The following LIPI variants were observed in gnomAD, a reference collection of about 807,000 sequenced individuals.
The protein encoded by LIPI is lipase member I.
Under a neutral mutation model 50.6 loss-of-function variants are expected in LIPI, and 59 were observed. The ratio of observed to expected loss-of-function variants is 1.16; its 90% CI spans 0.94 to 1.45. The LOEUF (loss-of-function observed/expected upper bound fraction) is 1.45. LIPI is among the 40% of genes most tolerant of loss of function. The pLI is 0.00. For missense variants in LIPI, 586 were observed against 536.3 expected (o/e 1.09, Z -0.92); for synonymous variants, 203 against 178.2 (o/e 1.14, Z -1.11).
intron 9 of LIPI, among the ~76,000 whole-genome samples, chr21:14,112,259 G>A (rs1240114278): frequency 1.3e-5 from 2 of 152,054 alleles, no homozygotes; most frequent in Non-Finnish European, 2.9e-5. Context: ...ATATTTTGAA[G>A]TTATTTGGTG....
chr21:14,192,779 A>G (rs1221890549), intron 1 of LIPI, among the ~76,000 whole-genome samples: 3 of 152,208 alleles, frequency 2.0e-5, no homozygotes, highest in African/African-American at 7.2e-5. Flanking sequence ...TGAGGAAGAA[A>G]TTAAAACATT....
At chr21:14,172,711 T>C (rs924979689) in intron 4 of LIPI, among the ~76,000 whole-genome samples, 2 of 150,302 alleles carry the variant, frequency 1.3e-5, no homozygotes, top group Non-Finnish European at 3.0e-5. Flanking sequence ...CTCTGGGGAC[T>C]GTTGTGGGGT....
At chr21:14,131,920 A>T (rs2017310547) in intron 9 of LIPI, among the ~76,000 whole-genome samples, 1 of 152,196 alleles carries the variant, frequency 6.6e-6, no homozygotes, top group Non-Finnish European at 1.5e-5. Context: ...TACAAAATAC[A>T]TCCAAAAGCT....
chr21:14,109,132 C>G (rs1384216493), intron 9 of LIPI, 52 bp from the exon 10 acceptor site: 15 of 1,411,786 alleles, frequency 1.1e-5, no homozygotes, highest in Non-Finnish European at 1.5e-5. Flanking sequence ...AGTAAAACAA[C>G]AGAGTTGATT....
intron 9 of LIPI, among the ~76,000 whole-genome samples, chr21:14,118,800 T>A (rs1011593658): frequency 1.3e-5 from 2 of 152,210 alleles, no homozygotes; most frequent in African/African-American, 4.8e-5. Flanking sequence ...CTGGTGCAGA[T>A]CTGTCAGTAT....
chr21:14,204,282 C>A (rs770221853), intron 1 of LIPI, among the ~76,000 whole-genome samples: 3 of 148,210 alleles, frequency 2.0e-5, no homozygotes, highest in Non-Finnish European at 4.5e-5. Context: ...GCAAATTAGT[C>A]TTTTTTTTAA....
intron 1 of LIPI, among the ~76,000 whole-genome samples, chr21:14,192,903 A>G (rs1338711701): frequency 2.0e-5 from 3 of 152,230 alleles, no homozygotes; most frequent in Non-Finnish European, 4.4e-5. Flanking sequence ...ACAAGTAACT[A>G]GAAGTCATAC....
At chr21:14,174,965 C>T (rs572285929) in intron 4 of LIPI, among the ~76,000 whole-genome samples, 1 of 152,210 alleles carries the variant, frequency 6.6e-6, no homozygotes, top group South Asian at 2.1e-4. Flanking sequence ...TTGTTTCTGG[C>T]TTTTTAGATT....
intron 8 of LIPI, among the ~76,000 whole-genome samples, chr21:14,151,855 A>C (rs1037678359): frequency 3.3e-5 from 5 of 152,052 alleles, no homozygotes; most frequent in African/African-American, 1.2e-4. Flanking sequence ...TGAGAAAAAA[A>C]CAAAACCCTC....
intron 9 of LIPI, among the ~76,000 whole-genome samples, chr21:14,121,525 G>A (rs1049211928): frequency 1.3e-5 from 2 of 152,202 alleles, no homozygotes; most frequent in African/African-American, 4.8e-5. Flanking sequence ...CAGGCATTAG[G>A]TGAGGTAATA....
intron 1 of LIPI, among the ~76,000 whole-genome samples, chr21:14,198,963 A>C (rs1317601743): frequency 6.6e-6 from 1 of 152,146 alleles, no homozygotes; most frequent in Non-Finnish European, 1.5e-5. Flanking sequence ...ATTCACTCAA[A>C]ATGATACAAT....
At chr21:14,170,913 G>C (rs530476187) in intron 4 of LIPI, among the ~76,000 whole-genome samples, 144 of 151,900 alleles carry the variant, frequency 9.5e-4, no homozygotes, top group African/African-American at 3.3e-3. Context: ...TAGGAAAAGA[G>C]AAAGTCAAAT....
chr21:14,133,957 G>A (rs1207873438), intron 9 of LIPI, among the ~76,000 whole-genome samples: 3 of 152,178 alleles, frequency 2.0e-5, no homozygotes, highest in African/African-American at 4.8e-5. Flanking sequence ...ACAGTGGCTT[G>A]CCACTGTGGG....
intron 4 of LIPI, among the ~76,000 whole-genome samples, chr21:14,168,197 A>C (rs1315715970): frequency 2.0e-5 from 3 of 152,248 alleles, no homozygotes; most frequent in Non-Finnish European, 4.4e-5. Flanking sequence ...AAAGCCTCCA[A>C]GAAATATGGG....
chr21:14,119,055 C>A (rs1286903500), intron 9 of LIPI, among the ~76,000 whole-genome samples: 1 of 152,204 alleles, frequency 6.6e-6, no homozygotes, highest in Non-Finnish European at 1.5e-5. Context: ...GCTTGGTTCA[C>A]ATGCTTACAC....
At chr21:14,206,106 C>A (rs2020218603) in intron 1 of LIPI, among the ~76,000 whole-genome samples, 1 of 152,108 alleles carries the variant, frequency 6.6e-6, no homozygotes, top group Non-Finnish European at 1.5e-5. Context: ...GGTTGTCCAG[C>A]ATTCTCTCTG....
intron 4 of LIPI, 64 bp downstream of exon 4, chr21:14,181,694 T>C: frequency 1.1e-6 from 1 of 938,574 alleles, no homozygotes; most frequent in Non-Finnish European, 1.7e-6. Flanking sequence ...GCCCTCCTCT[T>C]GCCCAAGGTC....
intron 9 of LIPI, among the ~76,000 whole-genome samples, chr21:14,111,946 C>T (rs1250938571): frequency 6.6e-6 from 1 of 152,000 alleles, no homozygotes; most frequent in Non-Finnish European, 1.5e-5. Flanking sequence ...TGTACCCAAT[C>T]ACCCGAATAG....
chr21:14,198,427 C>T (rs1157301805), intron 1 of LIPI, among the ~76,000 whole-genome samples: 1 of 151,952 alleles, frequency 6.6e-6, no homozygotes, highest in Non-Finnish European at 1.5e-5. Context: ...GGAGAAGAAT[C>T]TACCAAGCAA....
Sources: allele counts gnomAD v4.1 joint callset (sites outside exome capture counted in the v4.1 genomes callset), GRCh38; gene constraint gnomAD v4.1.1; transcripts MANE v1.5; gene names NCBI Gene and HGNC (gene_info 2026-07-23, HGNC 2026-07-21).